The following FBN2 variants were observed in gnomAD, a reference collection of about 807,000 sequenced individuals.
FBN2 encodes the protein fibrillin-2.
A neutral mutation model predicts 355.6 loss-of-function variants in FBN2; 105 were observed. The observed-to-expected ratio is 0.30, with a 90% CI of 0.25 to 0.35. The LOEUF (loss-of-function observed/expected upper bound fraction) is 0.35, where lower values mean the gene tolerates loss of function less well. Among genes scored for constraint, FBN2 ranks in the 10% least tolerant of loss-of-function variants. The pLI, the probability that FBN2 is intolerant of heterozygous loss-of-function variation, is 1.00. For synonymous variants in FBN2, 1,350 were observed against 1,301.2 expected, an observed-to-expected ratio of 1.04 and a Z score of -0.81; for missense variants, 3,280 against 3,758.7, an observed-to-expected ratio of 0.87 and a Z score of 3.33.
chr5:128,484,050 T>C (rs1222808101), intron 5 of FBN2, among the ~76,000 whole-genome samples: 2 of 152,134 alleles, frequency 1.3e-5, no homozygotes, highest in Non-Finnish European at 2.9e-5. Flanking sequence ...GAGACAGAAA[T>C]GAGAGAAAAA....
At chr5:128,417,555 T>C (rs984485566) in intron 7 of FBN2, among the ~76,000 whole-genome samples, 1 of 152,154 alleles carries the variant, frequency 6.6e-6, no homozygotes, top group African/African-American at 2.4e-5. Context: ...GGATTTTTCA[T>C]GAAGGGATGA....
rs28763931 is a variant in FBN2, at chr5:128,289,149, G to A, written c.6615C>T (p.Asp2205=). The A allele has an allele frequency of 7.6e-4, 1,220 of 1,614,052 alleles. 8 individuals are homozygous for A. In the African/African-American group the frequency reaches 0.015, roughly 19 times the overall value. Residue 2205 remains aspartate, a synonymous_variant, in exon 52 of 65, where the codon GAC becomes GAT. Transcript: ENST00000262464. The part of the protein sequence containing the change: ...RCECPMGYNL[D]YTGVRCVDTD... ...CACCCACACAGCGTACTCCAGTGTA[G>A]TCAAGGTTGTAGCCCATTGGACATT...
At chr5:128,477,956 C>T (rs908766424) in intron 5 of FBN2, among the ~76,000 whole-genome samples, 4 of 152,320 alleles carry the variant, frequency 2.6e-5, no homozygotes, top group Non-Finnish European at 4.4e-5. Flanking sequence ...TTCAATGCTT[C>T]ACTGGCCACT....
rs77551926 is a variant in FBN2, at chr5:128,325,518, C to T, written c.4471+3178G>A. On this transcript the variant is annotated intron_variant, in intron 34 of 64. Transcript: ENST00000262464. ...TATGTGTGTCTTTGCACGTGAGATG[C>T]GTTGCCTTTTCTATCTGAAGTCTTC... is the stretch of plus-strand genomic sequence containing the variant. Among the ~76,000 whole-genome samples the T allele has an allele frequency of 3.1e-3, 476 of 152,188 alleles. 1 individual carries two copies. The highest frequency in any genetic ancestry group is 4.6e-3 in the Non-Finnish European group (314 of 67,968).
chr5:128,388,250 G>T (rs1752419296), intron 11 of FBN2, among the ~76,000 whole-genome samples: 1 of 152,152 alleles, frequency 6.6e-6, no homozygotes, highest in Non-Finnish European at 1.5e-5. Context: ...TGTGAGATGG[G>T]TCTCTTGAAG....
chr5:128,469,427 A>T (rs1754796487), intron 5 of FBN2, among the ~76,000 whole-genome samples: 1 of 150,992 alleles, frequency 6.6e-6, no homozygotes, highest in Non-Finnish European at 1.5e-5. Flanking sequence ...GCTACTTGGG[A>T]GGCTGAGGCA....
At chr5:128,263,382 A>C (rs1765026956) in intron 63 of FBN2, 43 bp downstream of exon 63, 4 of 1,472,050 alleles carry the variant, frequency 2.7e-6, no homozygotes, top group Non-Finnish European at 3.8e-6. Flanking sequence ...CTCACTCAGG[A>C]ACCATGTATT....
At position 128,427,145 on chromosome 5, in the gene FBN2, G is replaced by C. The variant is rs145992647; in HGVS notation, c.953-18346C>G. Among the ~76,000 whole-genome samples the C allele has an allele frequency of 5.3e-5, 8 of 152,198 alleles. No homozygotes were observed. The East Asian group carries it at 1.5e-3, about 29-fold the overall frequency. ...CCTCTAAAACTAAGCTCCTGAGATG[G>C]AGGTGGGATCCCTCGTAGGGGCCTG... On this transcript the variant is annotated intron_variant, in intron 7 of 64. Transcript: ENST00000262464.
chr5:128,432,849 T>C (rs1244352030), intron 7 of FBN2, among the ~76,000 whole-genome samples: 1 of 152,110 alleles, frequency 6.6e-6, no homozygotes, highest in African/African-American at 2.4e-5. Flanking sequence ...AATTTACTTG[T>C]AGTTCTGTAT....
At chr5:128,420,994 T>C (rs1753337165) in intron 7 of FBN2, among the ~76,000 whole-genome samples, 1 of 152,206 alleles carries the variant, frequency 6.6e-6, no homozygotes, top group Non-Finnish European at 1.5e-5. Flanking sequence ...GGTGGAACTT[T>C]GGCATGCAAG....
intron 36 of FBN2, among the ~76,000 whole-genome samples, chr5:128,313,746 G>C (rs1401261033): frequency 6.6e-6 from 1 of 151,278 alleles, no homozygotes; most frequent in East Asian, 1.9e-4. Context: ...CCAGCTACTA[G>C]GGTGGCTGAG....
intron 4 of FBN2, among the ~76,000 whole-genome samples, chr5:128,526,348 C>A (rs1328271425): frequency 3.9e-5 from 6 of 151,992 alleles, no homozygotes; most frequent in Non-Finnish European, 2.9e-5. Flanking sequence ...GGCAGCATTT[C>A]AAAAAATTAA....
At chr5:128,413,953 T>C (rs1020781994) in intron 7 of FBN2, among the ~76,000 whole-genome samples, 1 of 152,166 alleles carries the variant, frequency 6.6e-6, no homozygotes, top group East Asian at 1.9e-4. Context: ...AAATTCATGA[T>C]TGAAGTGTTA....
At chr5:128,269,305 T>C (rs918356525) in intron 62 of FBN2, among the ~76,000 whole-genome samples, 1 of 146,228 alleles carries the variant, frequency 6.8e-6, no homozygotes, top group South Asian at 2.2e-4. Flanking sequence ...ATAATAATAA[T>C]AAACTAATAA....
At position 128,537,792 on chromosome 5, in the gene FBN2, C is replaced by T. The variant is rs1476083362; in HGVS notation, c.-189G>A. The T allele has an allele frequency of 1.6e-6, 1 of 634,742 alleles. No homozygotes were observed. The highest frequency in any genetic ancestry group is 1.8e-5 in the African/African-American group (1 of 54,426). 39.3% of individuals were successfully genotyped at this position (634,742 alleles called of 1,614,324 possible). A position where few individuals can be genotyped will look rare whatever the true frequency, so the allele number is the denominator to read the frequency against. ...GCCGGCCCCCTGACTGCCCGCGAAG[C>T]GAGACGCGGGGCGCCGGGTCTAGCG... On this transcript the variant is annotated 5_prime_UTR_variant, in exon 1 of 65. Coordinates refer to ENST00000262464, the MANE Select transcript of FBN2 (RefSeq NM_001999.4).
intron 11 of FBN2, among the ~76,000 whole-genome samples, chr5:128,385,511 A>T (rs1752344977): frequency 6.6e-6 from 1 of 152,134 alleles, no homozygotes; most frequent in Non-Finnish European, 1.5e-5. Flanking sequence ...CAGTGCTGTG[A>T]TGAAAATATG....
At chr5:128,446,151 C>A (rs1754058266) in intron 7 of FBN2, 2 of 269,320 alleles carry the variant, frequency 7.4e-6, no homozygotes, top group East Asian at 8.2e-5. Context: ...CTTCTTATTT[C>A]TATCTCAATT....
In FBN2 at chr5:128,349,406, G is replaced by T. The variant is rs1751283437; in HGVS notation, c.2930C>A (p.Ser977Tyr). 4 of 1,614,106 alleles carry T rather than the reference G, an allele frequency of 2.5e-6. No individual in the cohort carries two copies. The highest frequency in any genetic ancestry group is 3.4e-6 in the Non-Finnish European group (4 of 1,179,990). ...GCCTTCAGGGCACTCGCAATGAAAA[G>T]ATCCCTTACTGTTGACACAGCGTCC... ...PNGRCVNSKG[S>Y]FHCECPEGLT... The change falls in exon 23 of 65, where the codon TCT becomes TAT. Residue 977 changes from serine (S) to tyrosine (Y), a missense_variant. By Grantham distance (144) the Ser-to-Tyr change is moderately radical (BLOSUM62 -2). Coordinates refer to ENST00000262464, the MANE Select transcript of FBN2 (RefSeq NM_001999.4).
intron 5 of FBN2, among the ~76,000 whole-genome samples, chr5:128,475,525 C>A (rs1581329004): frequency 6.6e-6 from 1 of 151,860 alleles, no homozygotes; most frequent in African/African-American, 2.4e-5. Flanking sequence ...GAATTCCAAA[C>A]TAAGATTTAA....
Sources: gnomAD v4.1 joint callset for allele counts (sites outside exome capture counted in the v4.1 genomes callset) on GRCh38, gnomAD v4.1.1 for gene constraint, MANE v1.5 for transcripts, NCBI Gene and HGNC (gene_info 2026-07-23, HGNC 2026-07-21) for gene names.